SND1: variants seen among roughly 807,000 people sequenced by gnomAD.
SND1 encodes staphylococcal nuclease domain-containing protein 1.
A neutral mutation model predicts 121.7 loss-of-function variants in SND1; 38 were observed. The ratio of observed to expected loss-of-function variants is 0.31; its 90% CI spans 0.24 to 0.41. SND1 has a LOEUF of 0.41. Ranked by LOEUF, SND1 falls within the 10% of genes least tolerant of loss-of-function variation. The probability of loss-of-function intolerance (pLI) is 1.00; values close to 1 mark genes in which losing one functional copy is unlikely to be tolerated. For missense variants in SND1, 868 were observed against 1,184.6 expected (o/e 0.73, Z 3.92); for synonymous variants, 401 against 447.4 (o/e 0.90, Z 1.31).
intron 1 of SND1, among the ~76,000 whole-genome samples, chr7:127,675,397 G>GCTGTATACTTCTTGAT (rs2116275392): frequency 6.6e-6 from 1 of 152,184 alleles, no homozygotes; most frequent in Admixed American, 6.5e-5. Context: ...TGCTGTATAC[G>GCTGTATACTTCTTGAT]TTTAGATGCA....
At position 127,876,890 on chromosome 7, in the gene SND1, A is replaced by T. The variant is rs1456792925; in HGVS notation, c.1344-11012A>T. On this transcript the variant is annotated intron_variant, in intron 12 of 23. Coordinates refer to ENST00000354725, the MANE Select transcript of SND1 (RefSeq NM_014390.4). Reference sequence around the variant, plus strand: ...AGACAAGTCTATGCAGTTTCTTTCTATTGAACAGGTTTCTTTTTCTTGTTT... The same window carrying T: ...AGACAAGTCTATGCAGTTTCTTTCTTTTGAACAGGTTTCTTTTTCTTGTTT... Among the ~76,000 whole-genome samples, 3 of 152,236 alleles carry T rather than the reference A, an allele frequency of 2.0e-5. No individual in the cohort carries two copies. The South Asian group carries it at 6.2e-4, about 32-fold the overall frequency.
chr7:127,701,860 T>C (rs2116340082), intron 5 of SND1, among the ~76,000 whole-genome samples: 1 of 152,358 alleles, frequency 6.6e-6, no homozygotes, highest in South Asian at 2.1e-4. Context: ...ATAGTGCCTA[T>C]ACACCACTTC....
At chr7:127,893,809 A>C (rs1800061592) in intron 13 of SND1, among the ~76,000 whole-genome samples, 1 of 152,058 alleles carries the variant, frequency 6.6e-6, no homozygotes, top group African/African-American at 2.4e-5. Flanking sequence ...TCATCTCAGC[A>C]TCGCCTTGGC....
At chr7:127,827,942 G>T (rs1798672598) in intron 11 of SND1, among the ~76,000 whole-genome samples, 1 of 149,504 alleles carries the variant, frequency 6.7e-6, no homozygotes, top group African/African-American at 2.5e-5. Context: ...TACTTTTCTG[G>T]GTGGTTTCTT....
rs371002919 is a variant in SND1 at position 128,067,997 on chromosome 7, G to A, written c.1780-6505G>A. The stretch of plus-strand genomic sequence containing the variant: ...AGCCTTACCAGAAGCAGCCTCCAGT[G>A]CACCTTCTCCCGCCTCACCCTCCCC... On this transcript the variant is annotated intron_variant, in intron 16 of 23. Transcript: ENST00000354725. 3.9e-5 allele frequency among the ~76,000 whole-genome samples: 6 copies of A among 152,082 alleles called. No homozygotes were observed. The East Asian group carries it at 5.8e-4, about 15-fold the overall frequency.
At chr7:127,984,266 T>C (rs1228916140) in intron 15 of SND1, among the ~76,000 whole-genome samples, 1 of 152,262 alleles carries the variant, frequency 6.6e-6, no homozygotes, top group Admixed American at 6.5e-5. Context: ...CTGACATAGC[T>C]GGTCAGTGTT....
At position 128,052,151 on chromosome 7, in the gene SND1, C is replaced by T. The variant is rs560427527; in HGVS notation, c.1780-22351C>T. 6.6e-6 allele frequency among the ~76,000 whole-genome samples: 1 copy of T among 152,200 alleles called. No individual in the cohort carries two copies. Among genetic ancestry groups the T allele is most frequent in the Non-Finnish European group, 1.5e-5 (1 of 68,038 alleles). On this transcript the variant is annotated intron_variant, in intron 16 of 23. Transcript: ENST00000354725. The surrounding 1 kb of genome is among the most constrained non-coding windows in gnomAD (Gnocchi z 4.6). ...TGACCTTCAGTTCAGTTGGAGTGCT[C>T]TGGAACTCACTAGGGCTTTCTGAGG...
chr7:127,885,985 C>T (rs3808088), intron 12 of SND1, among the ~76,000 whole-genome samples: 43,039 of 151,922 alleles, frequency 0.28, 7,651 homozygotes, highest in East Asian at 0.7. Flanking sequence ...TAGTGACAAC[C>T]TTAGTTTAAA....
chr7:127,733,838 A>G (rs1295373382), intron 10 of SND1, among the ~76,000 whole-genome samples: 2 of 152,052 alleles, frequency 1.3e-5, no homozygotes, highest in African/African-American at 2.4e-5. Flanking sequence ...TCTAAGCCCT[A>G]GCTGAGAGGC....
chr7:127,703,479 C>T (rs1401630016), intron 7 of SND1, among the ~76,000 whole-genome samples, 156 bp downstream of exon 7: 2 of 152,156 alleles, frequency 1.3e-5, no homozygotes, highest in Non-Finnish European at 2.9e-5. Flanking sequence ...TTTGGGAGGC[C>T]AAGGCGGGTG....
chr7:128,074,269 G>A (rs7806904), intron 16 of SND1, among the ~76,000 whole-genome samples: 8 of 152,170 alleles, frequency 5.3e-5, no homozygotes, highest in Non-Finnish European at 2.9e-5. Context: ...CGTTTGCCCC[G>A]GTAGCTTTCT....
At chr7:127,661,605 T>C (rs1259020584) in intron 1 of SND1, among the ~76,000 whole-genome samples, 2 of 152,158 alleles carry the variant, frequency 1.3e-5, no homozygotes, top group African/African-American at 4.8e-5. Flanking sequence ...GAAGTAAAAA[T>C]AATTCTCAGG....
At chr7:128,004,516 A>G (rs1802913667) in intron 16 of SND1, among the ~76,000 whole-genome samples, 1 of 152,226 alleles carries the variant, frequency 6.6e-6, no homozygotes, top group African/African-American at 2.4e-5. Context: ...ACTTTGGCCA[A>G]TATTTCCTTT....
chr7:127,967,448 G>C (rs1489926074), intron 15 of SND1, among the ~76,000 whole-genome samples: 1 of 152,208 alleles, frequency 6.6e-6, no homozygotes, highest in African/African-American at 2.4e-5. Flanking sequence ...TGCCATCCAT[G>C]CTGTATCTTT....
intron 15 of SND1, among the ~76,000 whole-genome samples, chr7:127,985,324 C>T (rs891277031): frequency 6.6e-6 from 1 of 152,224 alleles, no homozygotes; most frequent in African/African-American, 2.4e-5. Context: ...GTGGTACAAT[C>T]TCAGCTCACT....
intron 12 of SND1, among the ~76,000 whole-genome samples, chr7:127,885,682 G>T (rs1799891879): frequency 6.6e-6 from 1 of 152,080 alleles, no homozygotes; most frequent in Non-Finnish European, 1.5e-5. Flanking sequence ...AACTGGGGTG[G>T]ATCATTAAAC....
At chr7:127,754,118 G>T (rs904244914) in intron 10 of SND1, among the ~76,000 whole-genome samples, 1 of 152,174 alleles carries the variant, frequency 6.6e-6, no homozygotes, top group Non-Finnish European at 1.5e-5. Flanking sequence ...CTCTGAATGT[G>T]GTGTGTCATT....
At chr7:127,928,831 T>C (rs1242012851) in intron 14 of SND1, among the ~76,000 whole-genome samples, 2 of 152,154 alleles carry the variant, frequency 1.3e-5, no homozygotes, top group African/African-American at 4.8e-5. Flanking sequence ...CCTCAGGTGA[T>C]CCACCCGCCT....
chr7:127,901,222 T>G (rs1342360722), intron 13 of SND1, among the ~76,000 whole-genome samples: 1 of 152,148 alleles, frequency 6.6e-6, no homozygotes, highest in Non-Finnish European at 1.5e-5. Context: ...AGCAAGGCAG[T>G]ACACCTTGTT....
Sources: allele counts gnomAD v4.1 joint callset (sites outside exome capture counted in the v4.1 genomes callset), GRCh38; gene constraint gnomAD v4.1.1; non-coding constraint Gnocchi (gnomAD v3.1); transcripts MANE v1.5; gene names NCBI Gene and HGNC (gene_info 2026-07-23, HGNC 2026-07-21).